PARG: variants seen among roughly 807,000 people sequenced by gnomAD.
The protein encoded by PARG is poly(ADP-ribose) glycohydrolase.
A neutral mutation model predicts 113.0 loss-of-function variants in PARG; 35 were observed. That is an observed-to-expected ratio of 0.31 (90% CI 0.24 to 0.41). The LOEUF is 0.41. Ranked by LOEUF, PARG falls within the 10% of genes least tolerant of loss-of-function variation. The pLI is 1.00. For synonymous variants in PARG, 330 were observed against 409.9 expected, an observed-to-expected ratio of 0.81 and a Z score of 2.36; for missense variants, 797 against 1,169.4, an observed-to-expected ratio of 0.68 and a Z score of 4.64.
intron 8 of PARG, among the ~76,000 whole-genome samples, chr10:49,880,799 T>C (rs1380373404): frequency 7.9e-5 from 12 of 152,110 alleles, no homozygotes; most frequent in South Asian, 4.1e-4. Flanking sequence ...ATGAAACAAA[T>C]CTTTTTATAA....
At chr10:49,901,682 T>C (rs1365312482) in intron 7 of PARG, among the ~76,000 whole-genome samples, 2 of 152,108 alleles carry the variant, frequency 1.3e-5, no homozygotes, top group East Asian at 3.9e-4. Context: ...AATACATTTG[T>C]AGTTAAAACA....
intron 13 of PARG, among the ~76,000 whole-genome samples, chr10:49,847,221 G>A (rs1355618476): frequency 1.3e-5 from 2 of 152,216 alleles, no homozygotes; most frequent in African/African-American, 4.8e-5. Flanking sequence ...AATTAGCAAT[G>A]ACTGCTAAAA....
intron 16 of PARG, among the ~76,000 whole-genome samples, chr10:49,822,885 A>G (rs1564590339): frequency 6.6e-6 from 1 of 152,210 alleles, no homozygotes; most frequent in East Asian, 1.9e-4. Flanking sequence ...AGAACGTTGT[A>G]TTCTTTAAAC....
chr10:49,911,202 G>A (rs1554846147), intron 7 of PARG, among the ~76,000 whole-genome samples: 1 of 151,228 alleles, frequency 6.6e-6, no homozygotes, highest in Non-Finnish European at 1.5e-5. Flanking sequence ...AGAATCACTT[G>A]AACCTGGGAG....
Position 49,941,518 on chromosome 10 carries a change from T to C in PARG, c.208A>G (p.Thr70Ala). 5 of 1,552,116 alleles carry C rather than the reference T, an allele frequency of 3.2e-6. No homozygotes were observed. The South Asian group carries it at 5.9e-5, about 18-fold the overall frequency. The part of the protein sequence containing the change: ...GRAGQHRGSA[T>A]SLVFKQKTIT... ...TTATTTTCCCACGTACCAAGCGAGGTGGCGCTGCCTCTGTGCTGTCCCGCC... is the reference window on the plus strand; with the variant it reads ...TTATTTTCCCACGTACCAAGCGAGGCGGCGCTGCCTCTGTGCTGTCCCGCC... Residue 70 changes from threonine to alanine, a missense_variant, in exon 1 of 18, where the codon ACC (threonine) becomes GCC (alanine). Transcript: ENST00000616448.
At chr10:49,886,104 A>G (rs1469148594) in intron 7 of PARG, among the ~76,000 whole-genome samples, 1 of 152,228 alleles carries the variant, frequency 6.6e-6, no homozygotes, top group Non-Finnish European at 1.5e-5. Flanking sequence ...CTCAGTTATA[A>G]TCTGGTCTGA....
chr10:49,819,220 C>A lies in PARG; in HGVS notation c.*120G>T, dbSNP rs1487998668. ...TGTGTGGAAGAGATTGCGTCCTTGA[C>A]TACAAATGTGGATTATGTACACATT... On this transcript the variant is annotated 3_prime_UTR_variant, in exon 18 of 18. Transcript: ENST00000616448. 1.1e-5 allele frequency: 9 copies of A among 806,146 alleles called. No homozygotes were observed. Among genetic ancestry groups the A allele is most frequent in the Non-Finnish European group, 1.4e-5 (7 of 516,246 alleles). 49.9% of individuals were successfully genotyped at this position (806,146 alleles called of 1,614,324 possible). A position where few individuals can be genotyped will look rare whatever the true frequency, so the allele number is the denominator to read the frequency against.
intron 9 of PARG, among the ~76,000 whole-genome samples, chr10:49,874,726 T>C (rs1366274952): frequency 6.7e-6 from 1 of 149,666 alleles, no homozygotes; most frequent in Non-Finnish European, 1.5e-5. Context: ...TGGTGGTGGG[T>C]GCCTGTAGTC....
chr10:49,881,228 T>C (rs1231650839), intron 8 of PARG, among the ~76,000 whole-genome samples: 23 of 152,174 alleles, frequency 1.5e-4, no homozygotes, highest in Admixed American at 1.0e-3. Flanking sequence ...GTCTTATGTC[T>C]CCCTAAAATG....
chr10:49,912,661 C>T lies in PARG; in HGVS notation c.1737+3256G>A, dbSNP rs191624690. On this transcript the variant is annotated intron_variant, in intron 7 of 17. Coordinates refer to ENST00000616448, the MANE Select transcript of PARG (RefSeq NM_003631.5). ...CTGGTGACAGAGCTGGAATCCATCT[C>T]GAAAATAAAGAACGCTTTATAGGCC... Among the ~76,000 whole-genome samples the T allele has an allele frequency of 1.7e-3, 248 of 149,056 alleles. 1 individual carries two copies. In the Middle Eastern group the frequency reaches 0.043, roughly 26 times the overall value.
rs1370826274 is a variant in PARG at position 49,933,618 on chromosome 10, T to C, written c.830A>G (p.Asn277Ser). 78 of 1,609,710 alleles carry C rather than the reference T, an allele frequency of 4.8e-5. No individual in the cohort carries two copies. In the African/African-American group the frequency reaches 9.5e-4, roughly 20 times the overall value. The stretch of plus-strand genomic sequence containing the variant: ...TTCTTGTCTAGTCAATTTGTTGTCA[T>C]TTTTTGGCCCAGTACCAACATCCTC... ...GSEDVGTGPKNDNKLTRQESC... is the reference protein window; with the variant it reads ...GSEDVGTGPKSDNKLTRQESC... The change falls in exon 3 of 18, where the codon AAT becomes AGT. Residue 277 changes from asparagine (N) to serine (S), a missense_variant. Asn to Ser is a conservative substitution (Grantham distance 46, BLOSUM62 1). Coordinates refer to ENST00000616448, the MANE Select transcript of PARG (RefSeq NM_003631.5).
At chr10:49,889,700 C>T (rs1222067998) in intron 7 of PARG, among the ~76,000 whole-genome samples, 17 of 152,326 alleles carry the variant, frequency 1.1e-4, no homozygotes, top group Admixed American at 1.0e-3. Flanking sequence ...TCTTAACAGG[C>T]TGACACGTCT....
chr10:49,838,810 G>A (rs570832530), intron 15 of PARG, among the ~76,000 whole-genome samples: 1 of 152,184 alleles, frequency 6.6e-6, no homozygotes, highest in South Asian at 2.1e-4. Flanking sequence ...AATAATTGCA[G>A]GTTGAAAATG....
Position 49,895,208 on chromosome 10 carries a change from C to T in PARG, c.1738-9913G>A, listed in dbSNP as rs112768088. On this transcript the variant is annotated intron_variant, in intron 7 of 17. Transcript: ENST00000616448. ...GACATTATTCAACTCACCACACATA[C>T]TGTCTTGTTTACTGTAGTCTTATTG... 1.1e-4 allele frequency among the ~76,000 whole-genome samples: 16 copies of T among 152,286 alleles called. No homozygotes were observed. The East Asian group carries it at 2.7e-3, about 26-fold the overall frequency.
At chr10:49,831,850 A>G (rs1844683750) in intron 16 of PARG, among the ~76,000 whole-genome samples, 1 of 152,080 alleles carries the variant, frequency 6.6e-6, no homozygotes, top group South Asian at 2.1e-4. Context: ...TGAGGTGGGG[A>G]CATGGGAACC....
At chr10:49,920,628 A>ATG (rs200856915) in intron 6 of PARG, among the ~76,000 whole-genome samples, 2,065 of 147,076 alleles carry the variant, frequency 0.014, 59 homozygotes, top group African/African-American at 0.049. Context: ...ATATATATAC[A>ATG]TGTATATATA....
intron 11 of PARG, among the ~76,000 whole-genome samples, chr10:49,861,884 C>T (rs1287797305): frequency 1.3e-5 from 2 of 150,618 alleles, no homozygotes; most frequent in Non-Finnish European, 3.0e-5. Context: ...TAGTTTGAAA[C>T]CTGATTTTCC....
At position 49,937,079 on chromosome 10, in the gene PARG, A is replaced by T. The variant is rs1251952892; in HGVS notation, c.218-1937T>A. 1.3e-3 allele frequency among the ~76,000 whole-genome samples: 196 copies of T among 152,346 alleles called. 1 individual carries two copies. Among genetic ancestry groups the T allele is most frequent in the African/African-American group, 4.4e-3 (185 of 41,592 alleles). ...TTCAGAGAAAAAATGAGCTTCAGTCAGAGGGAGTAAGAGGATAAACCATTT... is the reference window on the plus strand; with the variant it reads ...TTCAGAGAAAAAATGAGCTTCAGTCTGAGGGAGTAAGAGGATAAACCATTT... On this transcript the variant is annotated intron_variant, in intron 1 of 17. Transcript: ENST00000616448.
At chr10:49,852,468 C>T (rs1845798863) in intron 13 of PARG, among the ~76,000 whole-genome samples, 3 of 151,352 alleles carry the variant, frequency 2.0e-5, no homozygotes, top group Middle Eastern at 6.8e-3. Context: ...TTATGTTTTC[C>T]TTTTAACATT....
Sources: allele counts gnomAD v4.1 joint callset (sites outside exome capture counted in the v4.1 genomes callset), GRCh38; gene constraint gnomAD v4.1.1; transcripts MANE v1.5; gene names NCBI Gene and HGNC (gene_info 2026-07-23, HGNC 2026-07-21).